Variants in PRKN observed in about 807,000 individuals in gnomAD.
PRKN encodes E3 ubiquitin-protein ligase parkin.
In PRKN, 56 loss-of-function variants were observed where a neutral mutation model predicts 59.5. The observed-to-expected ratio is 0.94, with a 90% CI of 0.76 to 1.18. The LOEUF (loss-of-function observed/expected upper bound fraction) is 1.18, where lower values mean the gene tolerates loss of function less well. Ranked by LOEUF, PRKN falls within the 50% of genes most tolerant of loss-of-function variation. The pLI is 0.00. For missense variants in PRKN, 657 were observed against 596.4 expected (o/e 1.10, Z -1.06); for synonymous variants, 250 against 222.1 (o/e 1.13, Z -1.12).
intron 5 of PRKN, among the ~76,000 whole-genome samples, chr6:161,979,065 G>T (rs1394504095): frequency 6.6e-6 from 1 of 152,074 alleles, no homozygotes; most frequent in African/African-American, 2.4e-5. Context: ...ATTCCCAGGG[G>T]CTTACTCACA....
At position 161,451,875 on chromosome 6, in the gene PRKN, T is replaced by C. The variant is rs1462169590; in HGVS notation, c.1084-64998A>G. On this transcript the variant is annotated intron_variant, in intron 9 of 11. Coordinates refer to ENST00000366898, the MANE Select transcript of PRKN (RefSeq NM_004562.3). This position sits in a 1 kb window ranked among gnomAD's most constrained non-coding sequence, Gnocchi z 5.9. ...TTTTGTAGAAAAATGGTGTCACCTTTAAACGTTGTAAACTACATTTATAAA... is the reference window on the plus strand; with the variant it reads ...TTTTGTAGAAAAATGGTGTCACCTTCAAACGTTGTAAACTACATTTATAAA... Among the ~76,000 whole-genome samples the C allele has an allele frequency of 6.6e-6, 1 of 152,232 alleles. No homozygotes were observed. Among genetic ancestry groups the C allele is most frequent in the African/African-American group, 2.4e-5 (1 of 41,460 alleles).
intron 6 of PRKN, among the ~76,000 whole-genome samples, chr6:161,967,013 G>T (rs1412378848): frequency 1.3e-5 from 2 of 152,116 alleles, no homozygotes; most frequent in Non-Finnish European, 2.9e-5. Context: ...TGTATTTTTA[G>T]TAGAGATGGG....
intron 2 of PRKN, among the ~76,000 whole-genome samples, chr6:162,364,985 T>C (rs1583445433): frequency 6.6e-6 from 1 of 151,496 alleles, no homozygotes; most frequent in Admixed American, 6.6e-5. Context: ...CTCTCTTTTT[T>C]TTTTTTTTTT....
intron 7 of PRKN, among the ~76,000 whole-genome samples, chr6:161,771,368 A>AG (rs1562670768): frequency 1.8e-5 from 1 of 54,566 alleles, no homozygotes; most frequent in African/African-American, 4.9e-5. Flanking sequence ...AAAAAAAAAA[A>AG]AAATAAAATA....
At chr6:161,704,150 C>T (rs1199446580) in intron 7 of PRKN, among the ~76,000 whole-genome samples, 1 of 152,074 alleles carries the variant, frequency 6.6e-6, no homozygotes, top group Non-Finnish European at 1.5e-5. Flanking sequence ...GCCACCACGC[C>T]CGGCCGAGGA....
intron 1 of PRKN, among the ~76,000 whole-genome samples, chr6:162,629,948 T>C (rs1197621873): frequency 1.3e-5 from 2 of 152,154 alleles, no homozygotes; most frequent in Non-Finnish European, 2.9e-5. Context: ...CAGAATACTT[T>C]CATTACATTC....
intron 2 of PRKN, among the ~76,000 whole-genome samples, chr6:162,278,577 G>T (rs951290977): frequency 2.0e-5 from 3 of 151,976 alleles, no homozygotes; most frequent in African/African-American, 7.3e-5. Flanking sequence ...TCTATGATGT[G>T]AACCTAAAAC....
intron 7 of PRKN, among the ~76,000 whole-genome samples, chr6:161,603,922 C>T (rs1782189011): frequency 6.6e-6 from 1 of 152,182 alleles, no homozygotes; most frequent in South Asian, 2.1e-4. Flanking sequence ...AGTGTCCATG[C>T]ATCTCAATTA....
At chr6:162,541,406 G>T (rs963303514) in intron 1 of PRKN, among the ~76,000 whole-genome samples, 1 of 152,182 alleles carries the variant, frequency 6.6e-6, no homozygotes, top group Admixed American at 6.5e-5. Context: ...AGGGCCAGGG[G>T]CCAGCAAAGA....
intron 6 of PRKN, among the ~76,000 whole-genome samples, chr6:161,847,368 G>A (rs1403198710): frequency 6.6e-6 from 1 of 152,052 alleles, no homozygotes; most frequent in Admixed American, 6.6e-5. Context: ...GCACAGAAAT[G>A]CAAAAAACTA....
At chr6:162,298,536 G>A (rs1044065730) in intron 2 of PRKN, among the ~76,000 whole-genome samples, 4 of 151,936 alleles carry the variant, frequency 2.6e-5, no homozygotes, top group African/African-American at 9.7e-5. Flanking sequence ...AGGGAAGGGT[G>A]ACAATAGGAA....
chr6:161,782,502 T>C (rs1361065075), intron 7 of PRKN, among the ~76,000 whole-genome samples: 3 of 152,160 alleles, frequency 2.0e-5, no homozygotes, highest in Non-Finnish European at 4.4e-5. Flanking sequence ...AAAGAGAACG[T>C]AGATAAAGGG....
intron 6 of PRKN, among the ~76,000 whole-genome samples, chr6:161,957,118 G>T (rs892745179): frequency 1.3e-5 from 2 of 152,230 alleles, no homozygotes; most frequent in Non-Finnish European, 2.9e-5. Flanking sequence ...TGTCATACGT[G>T]TAAAGTCTTG....
chr6:162,645,419 C>A (rs1778129723), intron 1 of PRKN, among the ~76,000 whole-genome samples: 1 of 152,128 alleles, frequency 6.6e-6, no homozygotes, highest in African/African-American at 2.4e-5. Flanking sequence ...TATGGCAAAC[C>A]TTACCTGTCT....
rs565010173 is a variant in PRKN, at chr6:161,552,261, T to C, written c.934-3258A>G. Among the ~76,000 whole-genome samples, 1,541 of 150,348 alleles carry C rather than the reference T, an allele frequency of 0.01. 18 individuals are homozygous for C. The highest frequency in any genetic ancestry group is 0.037 in the African/African-American group (1,479 of 39,904). On this transcript the variant is annotated intron_variant, in intron 8 of 11. Coordinates refer to ENST00000366898, the MANE Select transcript of PRKN (RefSeq NM_004562.3). This position sits in a 1 kb window ranked among gnomAD's most constrained non-coding sequence, Gnocchi z 4.9. ...AAGCGGGACATCTCTCGATCACCTC[T>C]GCCTATGACTGTGAATGATCTCACG...
At chr6:161,606,664 T>A (rs538582556) in intron 7 of PRKN, among the ~76,000 whole-genome samples, 2 of 152,270 alleles carry the variant, frequency 1.3e-5, no homozygotes, top group Admixed American at 1.3e-4. Context: ...AGCTAAAGCC[T>A]CACTGTCTGC....
chr6:162,546,104 T>TTG (rs1779107579), intron 1 of PRKN, among the ~76,000 whole-genome samples: 1 of 147,450 alleles, frequency 6.8e-6, no homozygotes, highest in Non-Finnish European at 1.5e-5. Context: ...TATGCAGTTT[T>TTG]TTTTTTTTTT....
chr6:161,590,337 C>T (rs1781672868), intron 7 of PRKN, among the ~76,000 whole-genome samples: 1 of 152,086 alleles, frequency 6.6e-6, no homozygotes, highest in African/African-American at 2.4e-5. Flanking sequence ...GTGGATCACG[C>T]CTGTAATCCC....
intron 7 of PRKN, among the ~76,000 whole-genome samples, chr6:161,595,974 A>G (rs1781898225): frequency 6.6e-6 from 1 of 152,192 alleles, no homozygotes; most frequent in African/African-American, 2.4e-5. Flanking sequence ...CCTGCAACTA[A>G]TGTTGTCCTG....
Sources: gnomAD v4.1 joint callset for allele counts (sites outside exome capture counted in the v4.1 genomes callset) on GRCh38, gnomAD v4.1.1 for gene constraint, Gnocchi (gnomAD v3.1) non-coding constraint, MANE v1.5 for transcripts, NCBI Gene and HGNC (gene_info 2026-07-23, HGNC 2026-07-21) for gene names.